Variants in WWOX observed in about 807,000 individuals in gnomAD.
WWOX encodes the protein WW domain containing oxidoreductase.
In WWOX, 69 loss-of-function variants were observed where a neutral mutation model predicts 46.2. The ratio of observed to expected loss-of-function variants is 1.49; its 90% confidence interval spans 1.23 to 1.82. WWOX has a LOEUF of 1.82. Ranked by LOEUF, WWOX falls within the 40% of genes most tolerant of loss-of-function variation. WWOX has a pLI of 0.00. For missense variants in WWOX, 919 were observed against 542.6 expected, an observed-to-expected ratio of 1.69 and a Z score of -6.89; for synonymous variants, 359 against 202.6, an observed-to-expected ratio of 1.77 and a Z score of -6.56.
chr16:78,473,292 G>C (rs1054802995), intron 8 of WWOX, among the ~76,000 whole-genome samples: 4 of 152,058 alleles, frequency 2.6e-5, no homozygotes, highest in African/African-American at 9.7e-5. Flanking sequence ...ACCACGCCTG[G>C]GTAATTTTTG....
intron 5 of WWOX, among the ~76,000 whole-genome samples, chr16:78,323,813 T>G (rs1337772327): frequency 6.6e-6 from 1 of 152,170 alleles, no homozygotes. Flanking sequence ...ACTTGACTAA[T>G]TGTAGAGCTT....
chr16:79,010,558 C>G (rs1255579520), intron 8 of WWOX, among the ~76,000 whole-genome samples: 3 of 152,142 alleles, frequency 2.0e-5, no homozygotes, highest in South Asian at 4.2e-4. Context: ...GGCAAAGAAA[C>G]AGACAATTCA....
At chr16:78,595,145 A>G (rs1024160503) in intron 8 of WWOX, among the ~76,000 whole-genome samples, 1 of 152,278 alleles carries the variant, frequency 6.6e-6, no homozygotes, top group East Asian at 1.9e-4. Flanking sequence ...TGCAAAAGCA[A>G]CCTCTGAGGA....
intron 8 of WWOX, among the ~76,000 whole-genome samples, chr16:79,124,509 G>A (rs902353074): frequency 1.3e-5 from 2 of 152,168 alleles, no homozygotes; most frequent in Non-Finnish European, 2.9e-5. Flanking sequence ...GACCTGTCAC[G>A]TTAGGACTGA....
chr16:78,170,221 T>C (rs1232541917), intron 5 of WWOX, among the ~76,000 whole-genome samples: 1 of 152,190 alleles, frequency 6.6e-6, no homozygotes, highest in East Asian at 1.9e-4. Context: ...TGCTGTATTA[T>C]AGTGGCAAAG....
intron 7 of WWOX, 129 bp from the exon 8 acceptor site, chr16:78,432,359 G>C: frequency 1.6e-6 from 2 of 1,270,154 alleles, no homozygotes; most frequent in Non-Finnish European, 2.2e-6. Flanking sequence ...ACTCGTCTAA[G>C]ACTCCCAAAG....
At chr16:78,583,892 G>A (rs1003138817) in intron 8 of WWOX, among the ~76,000 whole-genome samples, 5 of 152,176 alleles carry the variant, frequency 3.3e-5, no homozygotes, top group African/African-American at 9.7e-5. Context: ...ATACCTGTTT[G>A]GGGGAATATT....
intron 8 of WWOX, among the ~76,000 whole-genome samples, chr16:79,071,867 A>G (rs1374044712): frequency 6.6e-6 from 1 of 152,182 alleles, no homozygotes; most frequent in East Asian, 1.9e-4. Context: ...CAGTGTTGCA[A>G]CCAACTCCAT....
chr16:78,555,497 A>G (rs2044272141), intron 8 of WWOX, among the ~76,000 whole-genome samples: 1 of 151,890 alleles, frequency 6.6e-6, no homozygotes. Context: ...TGGGGACAGT[A>G]GCAACATCGA....
intron 8 of WWOX, among the ~76,000 whole-genome samples, chr16:78,972,716 GTC>G (rs1170040689): frequency 1.3e-5 from 2 of 152,050 alleles, no homozygotes; most frequent in Non-Finnish European, 2.9e-5. Context: ...CTGACCTCAG[GTC>G]ACCCAAGACT....
intron 8 of WWOX, among the ~76,000 whole-genome samples, chr16:78,790,250 T>G (rs937222234): frequency 1.3e-5 from 2 of 152,176 alleles, no homozygotes. Context: ...TTGTCCTGCC[T>G]CAGCCTCCCT....
At chr16:79,032,222 A>G (rs2047776335) in intron 8 of WWOX, among the ~76,000 whole-genome samples, 1 of 146,390 alleles carries the variant, frequency 6.8e-6, no homozygotes, top group Non-Finnish European at 1.5e-5. Context: ...ACACATATGT[A>G]TATATGTATG....
intron 8 of WWOX, among the ~76,000 whole-genome samples, chr16:78,545,140 C>T (rs948808693): frequency 7.9e-5 from 12 of 152,218 alleles, no homozygotes; most frequent in Non-Finnish European, 1.5e-4. Context: ...TCCCTCAGCA[C>T]TTTAGGACTG....
At chr16:78,683,343 GC>G (rs1400550966) in intron 8 of WWOX, among the ~76,000 whole-genome samples, 4 of 151,554 alleles carry the variant, frequency 2.6e-5, no homozygotes, top group African/African-American at 9.7e-5. Context: ...TTGGAGACCA[GC>G]CTGGGCAACA....
At chr16:79,050,600 C>A (rs532645700) in intron 8 of WWOX, among the ~76,000 whole-genome samples, 1 of 152,150 alleles carries the variant, frequency 6.6e-6, no homozygotes, top group African/African-American at 2.4e-5. Flanking sequence ...GAAGAATGGG[C>A]CCCTGACCCA....
rs553341930 is a variant in WWOX at position 79,132,349 on chromosome 16, C to G, written c.1057-79259C>G. Among the ~76,000 whole-genome samples, 6 of 152,284 alleles carry G rather than the reference C, an allele frequency of 3.9e-5. No individual in the cohort carries two copies. The East Asian group carries it at 1.2e-3, about 29-fold the overall frequency. On this transcript the variant is annotated intron_variant, in intron 8 of 8. Coordinates refer to ENST00000566780, the MANE Select transcript of WWOX (RefSeq NM_016373.4). ...TTGTTAGGTCCCAGTATTGGGACTT[C>G]CGGTTGGTGGATTTTGCTCAAGAAT...
At chr16:78,946,887 G>A (rs1026008319) in intron 8 of WWOX, among the ~76,000 whole-genome samples, 2 of 152,102 alleles carry the variant, frequency 1.3e-5, no homozygotes, top group African/African-American at 4.8e-5. Context: ...GACATCACAC[G>A]ATGACCTTCT....
chr16:78,597,950 G>C (rs182390428), intron 8 of WWOX, among the ~76,000 whole-genome samples: 2 of 151,782 alleles, frequency 1.3e-5, no homozygotes, highest in African/African-American at 4.8e-5. Flanking sequence ...CATGTTTTGC[G>C]GTATGCCCTT....
chr16:78,885,712 C>A (rs1033979410), intron 8 of WWOX, among the ~76,000 whole-genome samples: 1 of 152,028 alleles, frequency 6.6e-6, no homozygotes. Flanking sequence ...ACATTAATAT[C>A]TCACGAATGG....
Sources: gnomAD v4.1 joint callset for allele counts (sites outside exome capture counted in the v4.1 genomes callset) on GRCh38, gnomAD v4.1.1 for gene constraint, MANE v1.5 for transcripts, NCBI Gene and HGNC (gene_info 2026-07-23, HGNC 2026-07-21) for gene names.